EPHA6: variants seen among roughly 807,000 people sequenced by gnomAD.
EPHA6 encodes EPH receptor A6.
A neutral mutation model predicts 112.0 loss-of-function variants in EPHA6; 50 were observed. That is an observed-to-expected ratio of 0.45 (90% CI 0.36 to 0.56). The LOEUF (loss-of-function observed/expected upper bound fraction) is 0.56. EPHA6 is among the 20% of genes least tolerant of loss of function. EPHA6 has a pLI of 0.00. For synonymous variants in EPHA6, 529 were observed against 490.7 expected, an observed-to-expected ratio of 1.08 and a Z score of -1.03; for missense variants, 1,280 against 1,417.4, an observed-to-expected ratio of 0.90 and a Z score of 1.56.
At chr3:97,427,406 G>A (rs1398920770) in intron 6 of EPHA6, among the ~76,000 whole-genome samples, 1 of 152,092 alleles carries the variant, frequency 6.6e-6, no homozygotes, top group Non-Finnish European at 1.5e-5. Context: ...GGTTGCAACT[G>A]GAGGCCATCA....
intron 5 of EPHA6, among the ~76,000 whole-genome samples, chr3:97,273,055 A>G (rs569266964): frequency 1.4e-3 from 210 of 152,106 alleles, no homozygotes; most frequent in Middle Eastern, 3.4e-3. Flanking sequence ...GTAAGGGGTG[A>G]TATTGTGGGG....
chr3:96,849,434 G>A (rs1003024959), intron 1 of EPHA6, among the ~76,000 whole-genome samples: 4 of 152,040 alleles, frequency 2.6e-5, no homozygotes, highest in Non-Finnish European at 1.5e-5. Flanking sequence ...TTTGGGCTTT[G>A]TGTCAGGAAA....
intron 5 of EPHA6, among the ~76,000 whole-genome samples, chr3:97,331,779 G>A (rs1001345260): frequency 2.0e-5 from 3 of 152,068 alleles, no homozygotes; most frequent in Non-Finnish European, 4.4e-5. Context: ...AAAAAGTCCA[G>A]GACCAGATGG....
chr3:96,880,372 T>C (rs1461549340), intron 2 of EPHA6, among the ~76,000 whole-genome samples: 2 of 152,228 alleles, frequency 1.3e-5, no homozygotes, highest in Non-Finnish European at 1.5e-5. Context: ...CATTGAAAAC[T>C]ACAAATAACC....
At chr3:97,636,860 TCATA>T (rs1304711177) in intron 13 of EPHA6, among the ~76,000 whole-genome samples, 2 of 152,170 alleles carry the variant, frequency 1.3e-5, no homozygotes, top group Non-Finnish European at 2.9e-5. Flanking sequence ...TTAATATCAT[TCATA>T]AATAAATGTT....
chr3:97,086,718 A>G (rs1407673662), intron 3 of EPHA6, among the ~76,000 whole-genome samples: 1 of 152,148 alleles, frequency 6.6e-6, no homozygotes, highest in Admixed American at 6.6e-5. Flanking sequence ...AGATATTTAC[A>G]TAACATTTAT....
intron 5 of EPHA6, among the ~76,000 whole-genome samples, chr3:97,281,201 A>G (rs1006678794): frequency 5.0e-5 from 7 of 140,506 alleles, no homozygotes; most frequent in African/African-American, 2.0e-4. Flanking sequence ...CAAAGAGTCT[A>G]TGTGTGTGTG....
rs1436383020 is a variant in EPHA6 at position 97,316,382 on chromosome 3, G to C, written c.1606+72095G>C. On this transcript the variant is annotated intron_variant, in intron 5 of 17. Transcript: ENST00000389672. ...TAGATGTGCTCATATGCATTACATT[G>C]TGACCCCTGCCCAGGAACACCAATC... 1.3e-5 allele frequency among the ~76,000 whole-genome samples: 2 copies of C among 151,836 alleles called. 1 individual carries two copies. Among genetic ancestry groups the C allele is most frequent in the African/African-American group, 4.8e-5 (2 of 41,318 alleles).
At chr3:97,680,804 A>G (rs1230186865) in intron 14 of EPHA6, among the ~76,000 whole-genome samples, 1 of 152,214 alleles carries the variant, frequency 6.6e-6, no homozygotes, top group African/African-American at 2.4e-5. Flanking sequence ...TCAAATATTT[A>G]GCACACAAGG....
rs373582124 is a variant in EPHA6, at chr3:97,316,162, C to A, written c.1606+71875C>A. 4.0e-5 allele frequency among the ~76,000 whole-genome samples: 6 copies of A among 151,726 alleles called. No homozygotes were observed. In the East Asian group the frequency reaches 5.8e-4, roughly 15 times the overall value. On this transcript the variant is annotated intron_variant, in intron 5 of 17. Coordinates refer to ENST00000389672, the MANE Select transcript of EPHA6 (RefSeq NM_001080448.3). ...TAAGTTTTATCAAATATATTTCCCT[C>A]AAGATATGGGAGAATATGAGCTGTC...
chr3:96,922,384 A>G (rs891731362), intron 2 of EPHA6, among the ~76,000 whole-genome samples: 2 of 152,232 alleles, frequency 1.3e-5, no homozygotes, highest in Non-Finnish European at 2.9e-5. Flanking sequence ...GTTCAGATGA[A>G]AAAGGAAGAA....
chr3:97,361,398 G>A (rs1431115373), intron 5 of EPHA6, among the ~76,000 whole-genome samples: 1 of 152,172 alleles, frequency 6.6e-6, no homozygotes, highest in African/African-American at 2.4e-5. Context: ...TTCAGGAACA[G>A]TTGCCATGAA....
At chr3:97,624,306 T>A (rs1359539713) in intron 13 of EPHA6, among the ~76,000 whole-genome samples, 1 of 151,664 alleles carries the variant, frequency 6.6e-6, no homozygotes, top group East Asian at 1.9e-4. Context: ...ATTGTGGAGA[T>A]CTTCCCCCTT....
At chr3:97,561,616 G>T (rs1278246877) in intron 11 of EPHA6, among the ~76,000 whole-genome samples, 3 of 152,064 alleles carry the variant, frequency 2.0e-5, no homozygotes, top group African/African-American at 4.8e-5. Context: ...AAAAGTGCAA[G>T]GCAAAGCAGC....
chr3:96,874,316 T>A (rs1431272740), intron 2 of EPHA6, among the ~76,000 whole-genome samples: 1 of 152,122 alleles, frequency 6.6e-6, no homozygotes, highest in Admixed American at 6.6e-5. Flanking sequence ...TAGGAATATC[T>A]GGTGCATGTT....
chr3:97,643,876 C>A (rs1457625680), intron 14 of EPHA6, among the ~76,000 whole-genome samples: 1 of 150,610 alleles, frequency 6.6e-6, no homozygotes, highest in African/African-American at 2.4e-5. Context: ...TTAGACAGAT[C>A]AATGAGACAG....
chr3:97,008,231 T>G (rs935982351), intron 3 of EPHA6, among the ~76,000 whole-genome samples: 9 of 152,206 alleles, frequency 5.9e-5, no homozygotes, highest in African/African-American at 2.2e-4. Flanking sequence ...CCTGTCTCCT[T>G]CTGGTACTCC....
chr3:97,185,511 A>G (rs568002934), intron 3 of EPHA6, among the ~76,000 whole-genome samples: 335 of 152,172 alleles, frequency 2.2e-3, no homozygotes, highest in Admixed American at 3.4e-3. Context: ...CAAAACCACA[A>G]TGAGATACCA....
intron 11 of EPHA6, among the ~76,000 whole-genome samples, chr3:97,578,366 C>T (rs1171732406): frequency 2.6e-5 from 4 of 152,082 alleles, no homozygotes; most frequent in Non-Finnish European, 5.9e-5. Flanking sequence ...GGAAGGGGCA[C>T]ATATAGTCCC....
Sources: gnomAD v4.1 joint callset for allele counts (sites outside exome capture counted in the v4.1 genomes callset) on GRCh38, gnomAD v4.1.1 for gene constraint, MANE v1.5 for transcripts, NCBI Gene and HGNC (gene_info 2026-07-23, HGNC 2026-07-21) for gene names.